CNTN5: variants seen among roughly 807,000 people sequenced by gnomAD.
CNTN5 encodes contactin-5.
CNTN5 carries 77 observed loss-of-function variants against 129.1 expected under a neutral mutation model. That is an observed-to-expected ratio of 0.60 (90% CI 0.50 to 0.72). CNTN5 has a LOEUF of 0.72. Among genes scored for constraint, CNTN5 ranks in the 30% least tolerant of loss-of-function variants. The probability of loss-of-function intolerance (pLI) is 0.00; values close to 1 mark genes in which losing one functional copy is unlikely to be tolerated. For missense variants in CNTN5, 1,478 were observed against 1,328.8 expected (o/e 1.11, Z -1.75); for synonymous variants, 509 against 465.6 (o/e 1.09, Z -1.20).
chr11:99,810,066 G>C (rs538877534), intron 3 of CNTN5, among the ~76,000 whole-genome samples: 1 of 151,920 alleles, frequency 6.6e-6, no homozygotes, highest in South Asian at 2.1e-4. Context: ...TAAAAAGATA[G>C]CATCATAACA....
At chr11:99,808,519 T>C (rs1946337357) in intron 3 of CNTN5, among the ~76,000 whole-genome samples, 1 of 152,188 alleles carries the variant, frequency 6.6e-6, no homozygotes, top group Admixed American at 6.5e-5. Context: ...TCCCATTTAC[T>C]CCTGCATGTG....
At chr11:99,105,358 A>T (rs1866945920) in intron 1 of CNTN5, among the ~76,000 whole-genome samples, 1 of 152,310 alleles carries the variant, frequency 6.6e-6, no homozygotes. Flanking sequence ...TTTTAAATCT[A>T]CTTGTGCAAA....
intron 9 of CNTN5, among the ~76,000 whole-genome samples, chr11:100,021,677 A>G (rs953896185): frequency 1.3e-5 from 2 of 152,204 alleles, no homozygotes; most frequent in African/African-American, 2.4e-5. Flanking sequence ...TGTATATATG[A>G]AAGAGTGTTT....
chr11:99,727,271 AGT>A (rs1360442588), intron 3 of CNTN5, among the ~76,000 whole-genome samples: 7 of 130,060 alleles, frequency 5.4e-5, no homozygotes, highest in African/African-American at 2.0e-4. Context: ...GCGCCACTGC[AGT>A]CCGCAGTCCG....
intron 2 of CNTN5, among the ~76,000 whole-genome samples, chr11:99,485,062 G>A (rs1945756358): frequency 6.6e-6 from 1 of 151,998 alleles, no homozygotes; most frequent in Non-Finnish European, 1.5e-5. Context: ...GCTAGAAGGA[G>A]GATATTGAAT....
rs377007540 is a variant in CNTN5 at position 99,757,937 on chromosome 11, A to G, written c.56-61607A>G. On this transcript the variant is annotated intron_variant, in intron 3 of 24. Transcript: ENST00000524871. ...TAAAAATAGTAACTGTTATTATTTT[A>G]TGATTATTATACAGAATTACAGCAG... Among the ~76,000 whole-genome samples the G allele has an allele frequency of 3.9e-5, 6 of 152,226 alleles. No homozygotes were observed. In the East Asian group the frequency reaches 9.6e-4, roughly 24 times the overall value.
chr11:99,776,497 C>G (rs922339294), intron 3 of CNTN5, among the ~76,000 whole-genome samples: 1 of 151,832 alleles, frequency 6.6e-6, no homozygotes, highest in Non-Finnish European at 1.5e-5. Context: ...TAATGACTTA[C>G]ATAACTCATA....
chr11:100,260,487 A>C (rs1950172449), intron 17 of CNTN5, among the ~76,000 whole-genome samples: 1 of 152,198 alleles, frequency 6.6e-6, no homozygotes, highest in African/African-American at 2.4e-5. Context: ...ACAGAGGCAC[A>C]ACAAAAAAAG....
At chr11:99,905,604 G>C (rs1345657602) in intron 6 of CNTN5, among the ~76,000 whole-genome samples, 1 of 152,086 alleles carries the variant, frequency 6.6e-6, no homozygotes, top group Non-Finnish European at 1.5e-5. Flanking sequence ...TTTTTCTTAG[G>C]ATTGTCTTTG....
chr11:100,350,709 A>G lies in CNTN5; in HGVS notation c.3038A>G (p.Tyr1013Cys). 3 of 1,599,030 alleles carry G rather than the reference A, an allele frequency of 1.9e-6. No individual in the cohort carries two copies. The highest frequency in any genetic ancestry group is 2.6e-6 in the Non-Finnish European group (3 of 1,172,698). ...ESEVVGYKVF[Y>C]RQEGHSNSQV... is the part of the protein sequence containing the mutation. The stretch of plus-strand genomic sequence containing the variant: ...CCTTGTTATTACTCTCAGGTTTTTT[A>G]TAGGCAAGAGGGTCACAGCAACAGC... The change falls in exon 24 of 25, where the codon TAT becomes TGT. Residue 1013 changes from tyrosine (Y) to cysteine (C), a missense_variant. Tyr to Cys is a radical substitution (Grantham distance 194, BLOSUM62 -2). Transcript: ENST00000524871.
intron 3 of CNTN5, among the ~76,000 whole-genome samples, chr11:99,812,285 T>A (rs1328865723): frequency 6.6e-6 from 1 of 152,100 alleles, no homozygotes; most frequent in Non-Finnish European, 1.5e-5. Context: ...AAAAATGTAA[T>A]CATTTCCTTT....
chr11:100,354,937 G>A (rs1330627694), intron 24 of CNTN5, among the ~76,000 whole-genome samples: 1 of 151,666 alleles, frequency 6.6e-6, no homozygotes, highest in East Asian at 1.9e-4. Context: ...GAAGTTCTGG[G>A]TGAGTCACTG....
intron 8 of CNTN5, among the ~76,000 whole-genome samples, chr11:100,001,290 T>C (rs932904559): frequency 5.9e-5 from 9 of 152,080 alleles, no homozygotes; most frequent in African/African-American, 1.7e-4. Flanking sequence ...TTTAAAACCA[T>C]GAAATTTTGT....
intron 13 of CNTN5, among the ~76,000 whole-genome samples, chr11:100,181,725 C>T (rs1444988350): frequency 6.6e-6 from 1 of 151,836 alleles, no homozygotes; most frequent in Non-Finnish European, 1.5e-5. Flanking sequence ...TGCATGTGAC[C>T]TTACAATTAT....
chr11:99,358,440 A>G (rs1938867938), intron 2 of CNTN5, among the ~76,000 whole-genome samples: 1 of 150,888 alleles, frequency 6.6e-6, no homozygotes, highest in African/African-American at 2.4e-5. Flanking sequence ...GTGCACCTGC[A>G]GTCCCAGTTA....
intron 1 of CNTN5, among the ~76,000 whole-genome samples, chr11:99,068,825 G>A (rs1216293759): frequency 6.6e-6 from 1 of 152,076 alleles, no homozygotes; most frequent in African/African-American, 2.4e-5. Context: ...GAAAGTAATT[G>A]TGAAAAAAGG....
chr11:100,350,798 A>G lies in CNTN5; in HGVS notation c.3127A>G (p.Ile1043Val), dbSNP rs1314019082. The G allele has an allele frequency of 6.2e-7, 1 of 1,608,492 alleles. No homozygotes were observed. Among genetic ancestry groups the G allele is most frequent in the South Asian group, 1.1e-5 (1 of 90,410 alleles). The stretch of plus-strand genomic sequence containing the variant: ...ACTCCCAGATGCTGGAGTCTATATT[A>G]TTGAAGTTCGAGCATATAGTGAAGG... ...VPLPDAGVYI[I>V]EVRAYSEGGD... The change falls in exon 24 of 25, where the codon ATT becomes GTT. Residue 1043 changes from isoleucine (I) to valine (V), a missense_variant. Physicochemically the swap from Ile to Val is conservative, Grantham distance 29. Transcript: ENST00000524871.
chr11:100,165,633 A>G (rs2044984), intron 13 of CNTN5, among the ~76,000 whole-genome samples: 25,769 of 151,740 alleles, frequency 0.17, 2,504 homozygotes, highest in African/African-American at 0.28. Context: ...GTTTAAACAT[A>G]GAAGTTGAAT....
intron 9 of CNTN5, among the ~76,000 whole-genome samples, chr11:100,028,861 T>C (rs1438651330): frequency 6.6e-6 from 1 of 152,228 alleles, no homozygotes; most frequent in Non-Finnish European, 1.5e-5. Context: ...ACCTTTCTTT[T>C]TTTCCTGTGA....
Sources: gnomAD v4.1 joint callset for allele counts (sites outside exome capture counted in the v4.1 genomes callset) on GRCh38, gnomAD v4.1.1 for gene constraint, MANE v1.5 for transcripts, NCBI Gene and HGNC (gene_info 2026-07-23, HGNC 2026-07-21) for gene names.